LUZP2: variants seen among roughly 807,000 people sequenced by gnomAD.
LUZP2 encodes leucine zipper protein 2.
A neutral mutation model predicts 51.6 loss-of-function variants in LUZP2; 52 were observed. The ratio of observed to expected loss-of-function variants is 1.01; its 90% CI spans 0.81 to 1.27. LUZP2 has a LOEUF of 1.27. LUZP2 is among the 50% of genes most tolerant of loss of function. The probability of loss-of-function intolerance (pLI) is 0.00; values close to 1 mark genes in which losing one functional copy is unlikely to be tolerated. For synonymous variants in LUZP2, 154 were observed against 137.3 expected (o/e 1.12, Z -0.85); for missense variants, 436 against 395.4 (o/e 1.10, Z -0.87).
At chr11:24,606,290 T>A (rs1590233957) in intron 1 of LUZP2, among the ~76,000 whole-genome samples, 1 of 152,112 alleles carries the variant, frequency 6.6e-6, no homozygotes, top group East Asian at 1.9e-4. Flanking sequence ...TATAGTATTA[T>A]TATATATTAC....
At chr11:24,926,271 ACG>A (rs1854235083) in intron 7 of LUZP2, among the ~76,000 whole-genome samples, 1 of 42,858 alleles carries the variant, frequency 2.3e-5, no homozygotes, top group Admixed American at 2.4e-4. Context: ...GTATATATAT[ACG>A]TGTATATATA....
chr11:24,920,299 C>G (rs1349455303), intron 7 of LUZP2, among the ~76,000 whole-genome samples: 1 of 151,972 alleles, frequency 6.6e-6, no homozygotes, highest in Non-Finnish European at 1.5e-5. Flanking sequence ...AGTTAAATTA[C>G]TGCTTCAGGG....
At chr11:25,039,595 G>T (rs1400238276) in intron 9 of LUZP2, among the ~76,000 whole-genome samples, 1 of 152,152 alleles carries the variant, frequency 6.6e-6, no homozygotes, top group Non-Finnish European at 1.5e-5. Context: ...CATGTGTGCT[G>T]CAGCTCCATC....
At chr11:24,713,854 A>ATTTTT (rs11357002) in intron 1 of LUZP2, among the ~76,000 whole-genome samples, 4 of 57,468 alleles carry the variant, frequency 7.0e-5, no homozygotes, top group African/African-American at 2.7e-4. Context: ...ATGCCTGGCC[A>ATTTTT]TTTTTTTTTT....
At chr11:24,840,031 A>G (rs1590622898) in intron 5 of LUZP2, among the ~76,000 whole-genome samples, 1 of 151,776 alleles carries the variant, frequency 6.6e-6, no homozygotes, top group South Asian at 2.1e-4. Flanking sequence ...AATAATACCA[A>G]TTAATTGGTA....
chr11:24,864,070 T>C (rs184468595), intron 5 of LUZP2, among the ~76,000 whole-genome samples: 7 of 152,274 alleles, frequency 4.6e-5, no homozygotes, highest in Admixed American at 4.6e-4. Context: ...AAATAATGAT[T>C]TCACTTTAAT....
intron 1 of LUZP2, among the ~76,000 whole-genome samples, chr11:24,546,941 TTTGTTGTTGTTGTTG>T (rs1033212527): frequency 1.9e-4 from 28 of 149,926 alleles, no homozygotes; most frequent in African/African-American, 6.6e-4. Flanking sequence ...TGTGTGTGTT[TTTGTTGTTGTTGTTG>T]TTGTTGTTGG....
At chr11:24,968,354 G>A (rs1405781817) in intron 7 of LUZP2, among the ~76,000 whole-genome samples, 1 of 152,138 alleles carries the variant, frequency 6.6e-6, no homozygotes, top group African/African-American at 2.4e-5. Context: ...AAAGGTGGTT[G>A]TGTTTTAATA....
At chr11:24,807,270 CCTGA>C (rs1484155270) in intron 5 of LUZP2, among the ~76,000 whole-genome samples, 7 of 151,946 alleles carry the variant, frequency 4.6e-5, no homozygotes, top group African/African-American at 1.7e-4. Flanking sequence ...CTGAAACCAG[CCTGA>C]CTAACACGGT....
chr11:24,602,794 C>T (rs1724902997), intron 1 of LUZP2, among the ~76,000 whole-genome samples: 2 of 151,794 alleles, frequency 1.3e-5, no homozygotes, highest in Non-Finnish European at 3.0e-5. Flanking sequence ...CAAGCTTGCT[C>T]ACCAATATGG....
chr11:24,945,801 A>G (rs1854881807), intron 7 of LUZP2, among the ~76,000 whole-genome samples: 1 of 151,972 alleles, frequency 6.6e-6, no homozygotes, highest in Non-Finnish European at 1.5e-5. Context: ...ACGATTTTTA[A>G]AAAACTTTTA....
At chr11:24,871,590 C>T (rs1852074935) in intron 5 of LUZP2, among the ~76,000 whole-genome samples, 1 of 152,010 alleles carries the variant, frequency 6.6e-6, no homozygotes, top group African/African-American at 2.4e-5. Context: ...CCTCTGAAGA[C>T]TCATCAGGCC....
chr11:24,706,824 T>C (rs1044833811), intron 1 of LUZP2, among the ~76,000 whole-genome samples: 1 of 152,084 alleles, frequency 6.6e-6, no homozygotes, highest in Non-Finnish European at 1.5e-5. Context: ...CTCTTTATTT[T>C]TTATTCCCTT....
chr11:25,010,231 G>T (rs1278112775), intron 9 of LUZP2, among the ~76,000 whole-genome samples: 1 of 152,072 alleles, frequency 6.6e-6, no homozygotes, highest in Non-Finnish European at 1.5e-5. Context: ...ACATATTTAA[G>T]AATCTATGCT....
intron 7 of LUZP2, among the ~76,000 whole-genome samples, chr11:24,939,123 C>G (rs1854673572): frequency 6.6e-6 from 1 of 151,930 alleles, no homozygotes; most frequent in African/African-American, 2.4e-5. Flanking sequence ...TAGGAAGAAC[C>G]AGCATTTGGA....
At chr11:25,076,221 T>G (rs927135695) in intron 10 of LUZP2, among the ~76,000 whole-genome samples, 1 of 152,122 alleles carries the variant, frequency 6.6e-6, no homozygotes, top group East Asian at 1.9e-4. Flanking sequence ...TTTGTTTTTG[T>G]TTTTGTAAAG....
intron 5 of LUZP2, among the ~76,000 whole-genome samples, chr11:24,764,946 T>C (rs1860126247): frequency 6.6e-6 from 1 of 152,250 alleles, no homozygotes; most frequent in South Asian, 2.1e-4. Context: ...CTAGAATAAT[T>C]CAGAAAGAAA....
chr11:24,530,101 T>C (rs1261937211), intron 1 of LUZP2, among the ~76,000 whole-genome samples: 1 of 150,952 alleles, frequency 6.6e-6, no homozygotes, highest in Non-Finnish European at 1.5e-5. Flanking sequence ...TTCCATTTTC[T>C]GGTTGCAAAT....
intron 4 of LUZP2, among the ~76,000 whole-genome samples, chr11:24,742,022 A>G (rs987922081): frequency 8.7e-5 from 11 of 126,318 alleles, no homozygotes; most frequent in South Asian, 2.2e-4. Context: ...ATATAATTAT[A>G]TATTTTATAT....
Sources: gnomAD v4.1 joint callset for allele counts (sites outside exome capture counted in the v4.1 genomes callset) on GRCh38, gnomAD v4.1.1 for gene constraint, MANE v1.5 for transcripts, NCBI Gene and HGNC (gene_info 2026-07-23, HGNC 2026-07-21) for gene names.